Variants in UNC5D observed in about 807,000 individuals in gnomAD.
UNC5D encodes the protein unc-5 netrin receptor D, also known as netrin receptor UNC5D.
In UNC5D, 39 loss-of-function variants were observed where a neutral mutation model predicts 105.4. That is an observed-to-expected ratio of 0.37 (90% CI 0.29 to 0.48). The LOEUF (loss-of-function observed/expected upper bound fraction) is 0.48. UNC5D is among the 20% of genes least tolerant of loss of function. UNC5D has a pLI of 0.98. For synonymous variants in UNC5D, 452 were observed against 450.4 expected (o/e 1.00, Z -0.04); for missense variants, 991 against 1,202.4 (o/e 0.82, Z 2.60).
chr8:35,534,185 A>G (rs1045563923), intron 1 of UNC5D, among the ~76,000 whole-genome samples: 1 of 152,132 alleles, frequency 6.6e-6, no homozygotes, highest in African/African-American at 2.4e-5. Context: ...GAATTGTATA[A>G]TATTATAGGG....
At chr8:35,753,611 G>C (rs984112317) in intron 13 of UNC5D, among the ~76,000 whole-genome samples, 2 of 152,008 alleles carry the variant, frequency 1.3e-5, no homozygotes, top group African/African-American at 4.8e-5. Flanking sequence ...AATGTTTTTT[G>C]GTAGAAATAC....
intron 4 of UNC5D, among the ~76,000 whole-genome samples, chr8:35,640,849 A>G (rs993310430): frequency 4.6e-5 from 7 of 152,044 alleles, no homozygotes; most frequent in East Asian, 1.9e-4. Flanking sequence ...TTTGAAATCA[A>G]TTTTTTAGAA....
rs1357940211 is a variant in UNC5D, at chr8:35,248,672, T to TATATATAATATATATAAAATATATAAAA, written c.103+12841_103+12868dup. On this transcript the variant is annotated intron_variant, in intron 1 of 16. Transcript: ENST00000404895. ...TATATTTATAAATATAAATATATGTTATATATAATATATATAAAATATATA... is the reference window on the plus strand; with the variant it reads ...TATATTTATAAATATAAATATATGTTATATATAATATATATAAAATATATAAAAATATATAATATATATAAAATATATA... Among the ~76,000 whole-genome samples the TATATATAATATATATAAAATATATAAAA allele has an allele frequency of 1.5e-3, 144 of 98,164 alleles. 6 individuals carry two copies. Among genetic ancestry groups the TATATATAATATATATAAAATATATAAAA allele is most frequent in the Non-Finnish European group, 2.1e-3 (117 of 56,220 alleles). The allele number at this position is 98,164 out of a possible 152,430, so 64.4% of individuals were successfully genotyped here.
rs139512883 is a variant in UNC5D at position 35,557,312 on chromosome 8, G to A, written c.322+7802G>A. Among the ~76,000 whole-genome samples, 228 of 152,220 alleles carry A rather than the reference G, an allele frequency of 1.5e-3. 1 individual carries two copies. The highest frequency in any genetic ancestry group is 4.9e-3 in the African/African-American group (204 of 41,512). On this transcript the variant is annotated intron_variant, in intron 2 of 16. Coordinates refer to ENST00000404895, the MANE Select transcript of UNC5D (RefSeq NM_080872.4). ...TTTCTGTACTTAAGACTGAACTCGC[G>A]GTGCTTCTGAGGAATACGTGGAGTG...
At chr8:35,424,198 A>G (rs1806098669) in intron 1 of UNC5D, among the ~76,000 whole-genome samples, 1 of 152,232 alleles carries the variant, frequency 6.6e-6, no homozygotes, top group South Asian at 2.1e-4. Flanking sequence ...TAGAAAGTCT[A>G]TAGAAAGGCA....
At chr8:35,372,159 G>A (rs186515115) in intron 1 of UNC5D, among the ~76,000 whole-genome samples, 9 of 152,134 alleles carry the variant, frequency 5.9e-5, no homozygotes, top group Non-Finnish European at 7.4e-5. Context: ...AGTCTTACTC[G>A]GTCACCTAGG....
chr8:35,545,883 G>A (rs555649931), intron 1 of UNC5D, among the ~76,000 whole-genome samples: 219 of 151,590 alleles, frequency 1.4e-3, no homozygotes, highest in African/African-American at 5.0e-3. Flanking sequence ...AACGTTAACT[G>A]ATTCTTTTTT....
intron 1 of UNC5D, among the ~76,000 whole-genome samples, chr8:35,548,968 C>T (rs77413487): frequency 0.15 from 22,605 of 152,164 alleles, 2,103 homozygotes; most frequent in Admixed American, 0.25. Flanking sequence ...GGTAACCATT[C>T]ACCAGAGCCT....
rs149911001 is a variant in UNC5D at position 35,243,359 on chromosome 8, A to G, written c.103+7472A>G. Among the ~76,000 whole-genome samples, 23 of 152,314 alleles carry G rather than the reference A, an allele frequency of 1.5e-4. 1 individual carries two copies. The East Asian group carries it at 4.4e-3, about 29-fold the overall frequency. On this transcript the variant is annotated intron_variant, in intron 1 of 16. Coordinates refer to ENST00000404895, the MANE Select transcript of UNC5D (RefSeq NM_080872.4). ...CCTGATGCAATATAAAGCATTTATA[A>G]AGAAAGATGCTGCTCCAGTTTCACA...
intron 4 of UNC5D, among the ~76,000 whole-genome samples, chr8:35,665,567 C>T (rs1024723837): frequency 6.6e-6 from 1 of 151,828 alleles, no homozygotes; most frequent in African/African-American, 2.4e-5. Flanking sequence ...ATTTCATTCT[C>T]CAGTTTCATT....
chr8:35,621,985 ATACTACTGTTCC>A (rs1439346636), intron 4 of UNC5D, among the ~76,000 whole-genome samples: 1 of 152,188 alleles, frequency 6.6e-6, no homozygotes, highest in Non-Finnish European at 1.5e-5. Flanking sequence ...TTAACTGGAG[ATACTACTGTTCC>A]TACTTAAAAG....
chr8:35,299,798 T>A (rs1181931177), intron 1 of UNC5D, among the ~76,000 whole-genome samples: 1 of 152,132 alleles, frequency 6.6e-6, no homozygotes, highest in Admixed American at 6.5e-5. Context: ...AATGGTTGAA[T>A]AAATGATAGT....
chr8:35,734,652 C>T (rs1241189844), intron 11 of UNC5D, among the ~76,000 whole-genome samples: 6 of 152,152 alleles, frequency 3.9e-5, no homozygotes, highest in African/African-American at 7.2e-5. Flanking sequence ...TCAGGTGATA[C>T]GCCCACCTCG....
chr8:35,313,325 C>T (rs771929020), intron 1 of UNC5D, among the ~76,000 whole-genome samples: 1 of 152,106 alleles, frequency 6.6e-6, no homozygotes, highest in Non-Finnish European at 1.5e-5. Flanking sequence ...CTCTGCTCCT[C>T]TGATACTGTA....
intron 4 of UNC5D, among the ~76,000 whole-genome samples, chr8:35,652,761 C>G (rs1057057801): frequency 6.6e-6 from 1 of 151,698 alleles, no homozygotes; most frequent in African/African-American, 2.4e-5. Context: ...AATCTTGCCT[C>G]TGGCTTTCTC....
chr8:35,572,970 A>G (rs980433368), intron 3 of UNC5D, among the ~76,000 whole-genome samples: 1 of 151,750 alleles, frequency 6.6e-6, no homozygotes, highest in African/African-American at 2.4e-5. Flanking sequence ...CGCCCGGCTA[A>G]TTTTTTATAT....
intron 3 of UNC5D, among the ~76,000 whole-genome samples, chr8:35,573,848 G>C (rs1008658521): frequency 6.6e-6 from 1 of 152,226 alleles, no homozygotes; most frequent in South Asian, 2.1e-4. Flanking sequence ...GAAGATGTTG[G>C]CTGCTGTCCA....
At chr8:35,731,244 C>T in intron 11 of UNC5D, 148 bp downstream of exon 11, 3 of 655,372 alleles carry the variant, frequency 4.6e-6, no homozygotes, top group Non-Finnish European at 5.1e-6. Context: ...ACTAAAAATA[C>T]AAAAAAATTA....
At chr8:35,261,017 G>T (rs757498453) in intron 1 of UNC5D, among the ~76,000 whole-genome samples, 7 of 152,056 alleles carry the variant, frequency 4.6e-5, no homozygotes, top group Non-Finnish European at 8.8e-5. Flanking sequence ...TTCCCTTTCT[G>T]TCTATTTTTT....
Sources: allele counts gnomAD v4.1 joint callset (sites outside exome capture counted in the v4.1 genomes callset), GRCh38; gene constraint gnomAD v4.1.1; transcripts MANE v1.5; gene names NCBI Gene and HGNC (gene_info 2026-07-23, HGNC 2026-07-21).